The following NEK11 variants were observed in gnomAD, a reference collection of about 807,000 sequenced individuals.
NEK11 encodes the protein NIMA related kinase 11.
NEK11 carries 72 observed loss-of-function variants against 80.7 expected under a neutral mutation model. The observed-to-expected ratio is 0.89, with a 90% CI of 0.74 to 1.08. NEK11 has a LOEUF of 1.08. NEK11 is among the 50% of genes least tolerant of loss of function. The pLI is 0.00. For synonymous variants in NEK11, 251 were observed against 260.7 expected, an observed-to-expected ratio of 0.96 and a Z score of 0.36; for missense variants, 764 against 763.6, an observed-to-expected ratio of 1.00 and a Z score of -0.01.
intron 17 of NEK11, among the ~76,000 whole-genome samples, chr3:131,333,185 A>C (rs2097123881): frequency 6.6e-6 from 1 of 152,184 alleles, no homozygotes; most frequent in Admixed American, 6.5e-5. Flanking sequence ...CAAAGTTGAA[A>C]TGAAGGAAAA....
At chr3:131,331,754 C>G (rs2097089231) in intron 17 of NEK11, among the ~76,000 whole-genome samples, 2 of 152,212 alleles carry the variant, frequency 1.3e-5, no homozygotes, top group African/African-American at 4.8e-5. Flanking sequence ...TCGGGTCACT[C>G]CCACCCTAAT....
chr3:131,073,686 C>T (rs1165703944), intron 3 of NEK11, among the ~76,000 whole-genome samples: 1 of 152,152 alleles, frequency 6.6e-6, no homozygotes, highest in Admixed American at 6.5e-5. Flanking sequence ...TAGCCATCTT[C>T]AGGAGTATAG....
intron 15 of NEK11, among the ~76,000 whole-genome samples, chr3:131,238,609 C>A (rs962925808): frequency 3.3e-5 from 5 of 152,066 alleles, no homozygotes; most frequent in South Asian, 4.1e-4. Flanking sequence ...TAGAGATTGA[C>A]TTTTCAGCCA....
chr3:131,349,740 G>T lies in NEK11; in HGVS notation c.1902G>T (p.Thr634=), dbSNP rs778557544. The T allele has an allele frequency of 8.1e-6, 13 of 1,614,000 alleles. No homozygotes were observed. Among genetic ancestry groups the T allele is most frequent in the Non-Finnish European group, 1.1e-5 (13 of 1,179,982 alleles). The change falls in exon 18 of 18, where the codon ACG becomes ACT. Residue 634 remains threonine (T), a synonymous_variant. Coordinates refer to ENST00000383366, the MANE Select transcript of NEK11 (RefSeq NM_024800.5). ...ACTTTGAAGAGCAGTTGCTGATCAC[G>T]ATGGGAAAAGAACCTACTCTCCAGA... The part of the protein sequence containing the change: ...LLYFEEQLLI[T]MGKEPTLQNH...
At chr3:131,150,865 A>G (rs1298979918) in intron 7 of NEK11, among the ~76,000 whole-genome samples, 2 of 151,940 alleles carry the variant, frequency 1.3e-5, no homozygotes, top group African/African-American at 4.8e-5. Flanking sequence ...GGATTTAAGA[A>G]ATGCTTTCCT....
At chr3:131,169,029 T>A in intron 13 of NEK11, 92 bp downstream of exon 13, 1 of 890,036 alleles carries the variant, frequency 1.1e-6, no homozygotes, top group Non-Finnish European at 1.8e-6. Flanking sequence ...GCCGAACACT[T>A]TGCAGAGGAG....
intron 17 of NEK11, chr3:131,326,143 T>C (rs2096963194): frequency 6.6e-6 from 1 of 152,178 alleles, no homozygotes; most frequent in African/African-American, 2.4e-5. Context: ...GGCTCTAAAT[T>C]TTGGGGAAGA....
rs774256621 is a variant in NEK11 at position 131,080,451 on chromosome 3, G to C, written c.199G>C (p.Glu67Gln). 1 of 1,609,440 alleles carries C rather than the reference G, an allele frequency of 6.2e-7. No individual in the cohort carries two copies. Among genetic ancestry groups the C allele is most frequent in the Non-Finnish European group, 8.5e-7 (1 of 1,178,856 alleles). Residue 67 changes from glutamate (E) to glutamine (Q), a missense_variant, in exon 4 of 18, where the codon GAA becomes CAA. Coordinates refer to ENST00000383366, the MANE Select transcript of NEK11 (RefSeq NM_024800.5). ...LKVLKEISVGELNPNETVQAN... is the reference protein window; with the variant it reads ...LKVLKEISVGQLNPNETVQAN... ...GGTACTTAAGGAAATATCTGTTGGAGAACTAAATCCAAATGAAACTGTACA... is the reference window on the plus strand; with the variant it reads ...GGTACTTAAGGAAATATCTGTTGGACAACTAAATCCAAATGAAACTGTACA...
chr3:131,177,084 T>C (rs1489008128), intron 14 of NEK11, among the ~76,000 whole-genome samples: 1 of 152,228 alleles, frequency 6.6e-6, no homozygotes, highest in East Asian at 1.9e-4. Context: ...TACCACGGTA[T>C]GGTTTTCCTT....
intron 16 of NEK11, among the ~76,000 whole-genome samples, chr3:131,257,164 T>G (rs1035225275): frequency 3.2e-4 from 49 of 151,286 alleles, no homozygotes; most frequent in African/African-American, 1.1e-3. Context: ...TTTTTTTTTT[T>G]TTTGTATTTT....
intron 17 of NEK11, among the ~76,000 whole-genome samples, chr3:131,316,624 TTTTG>T (rs747420819): frequency 4.6e-5 from 7 of 151,910 alleles, no homozygotes; most frequent in Non-Finnish European, 7.3e-5. Flanking sequence ...GTTTTTGCTT[TTTTG>T]TTTTTCTTTG....
chr3:131,051,194 T>C (rs1327912172), intron 3 of NEK11, among the ~76,000 whole-genome samples: 1 of 152,170 alleles, frequency 6.6e-6, no homozygotes, highest in Admixed American at 6.5e-5. Flanking sequence ...CCAGTTACGT[T>C]AGATTATAAA....
chr3:131,333,361 C>G (rs1351144644), intron 17 of NEK11, among the ~76,000 whole-genome samples: 2 of 152,160 alleles, frequency 1.3e-5, no homozygotes, highest in African/African-American at 4.8e-5. Context: ...CATATCCAGC[C>G]AAACCAAGCT....
chr3:131,293,141 A>G (rs2096560670), intron 17 of NEK11, among the ~76,000 whole-genome samples: 1 of 152,216 alleles, frequency 6.6e-6, no homozygotes, highest in East Asian at 1.9e-4. Context: ...GTGTGGTGAG[A>G]GAGAACATTT....
At chr3:131,318,890 A>C (rs1012483828) in intron 17 of NEK11, among the ~76,000 whole-genome samples, 14 of 151,890 alleles carry the variant, frequency 9.2e-5, no homozygotes, top group African/African-American at 1.7e-4. Flanking sequence ...AACTAATGTA[A>C]GCAGGACATT....
intron 15 of NEK11, among the ~76,000 whole-genome samples, chr3:131,234,620 TC>T (rs2095397153): frequency 6.6e-6 from 1 of 152,058 alleles, no homozygotes; most frequent in Non-Finnish European, 1.5e-5. Context: ...GGTGACAATT[TC>T]CACCCCTACC....
At chr3:131,267,501 A>T (rs1023950896) in intron 16 of NEK11, among the ~76,000 whole-genome samples, 2 of 152,220 alleles carry the variant, frequency 1.3e-5, no homozygotes, top group African/African-American at 4.8e-5. Flanking sequence ...TTATTTAAGA[A>T]TGTTGAATAT....
intron 16 of NEK11, among the ~76,000 whole-genome samples, chr3:131,258,329 A>C (rs2095854322): frequency 6.6e-6 from 1 of 152,004 alleles, no homozygotes; most frequent in Non-Finnish European, 1.5e-5. Context: ...ATAAAACAAA[A>C]ATTTTAAAAA....
intron 17 of NEK11, among the ~76,000 whole-genome samples, chr3:131,280,382 C>CT (rs201530169): frequency 1.1e-4 from 17 of 151,562 alleles, no homozygotes; most frequent in African/African-American, 2.9e-4. Context: ...TTTTTTAAGG[C>CT]TTTTTTTTCC....
Sources: allele counts gnomAD v4.1 joint callset (sites outside exome capture counted in the v4.1 genomes callset), GRCh38; gene constraint gnomAD v4.1.1; transcripts MANE v1.5; gene names NCBI Gene and HGNC (gene_info 2026-07-23, HGNC 2026-07-21).